The following JPT1 variants were observed in gnomAD, a reference collection of about 807,000 sequenced individuals.
JPT1 encodes androgen-regulated protein 2.
In JPT1, 5 loss-of-function variants were observed where a neutral mutation model predicts 17.0. The ratio of observed to expected loss-of-function variants is 0.29; its 90% CI spans 0.15 to 0.62. JPT1 has a LOEUF of 0.62. JPT1 is among the 20% of genes least tolerant of loss of function. The pLI is 0.85. For synonymous variants in JPT1, 71 were observed against 73.6 expected (o/e 0.96, Z 0.18); for missense variants, 158 against 188.1 (o/e 0.84, Z 0.94).
chr17:75,149,938 C>G (rs1229743728), intron 1 of JPT1, among the ~76,000 whole-genome samples: 1 of 152,028 alleles, frequency 6.6e-6, no homozygotes, highest in Non-Finnish European at 1.5e-5. Flanking sequence ...ATAGTCTCTT[C>G]TATCTCAACC....
intron 4 of JPT1, among the ~76,000 whole-genome samples, chr17:75,142,342 C>G (rs1232582390): frequency 6.6e-6 from 1 of 150,672 alleles, no homozygotes; most frequent in Non-Finnish European, 1.5e-5. Flanking sequence ...GGTGGATCAC[C>G]TGAGGTCAGG....
intron 1 of JPT1, chr17:75,149,189 TA>T (rs757915669): frequency 2.1e-3 from 875 of 411,594 alleles, no homozygotes; most frequent in East Asian, 2.3e-3. Context: ...CGTGTCTCTA[TA>T]AAAAAAAAAT....
intron 4 of JPT1, chr17:75,140,937 A>C (rs1400931302): frequency 6.6e-6 from 1 of 152,222 alleles, no homozygotes; most frequent in Non-Finnish European, 1.5e-5. Flanking sequence ...TGAAAACACA[A>C]AAATTAGCTG....
rs202010696 is a variant in JPT1, at chr17:75,136,111, G to T, written c.456C>A (p.Val152=). 75 of 1,614,242 alleles carry T rather than the reference G, an allele frequency of 4.6e-5. No homozygotes were observed. In the East Asian group the frequency reaches 1.3e-3, roughly 28 times the overall value. ...RNPPGGKSSL[V]LG Reference sequence around the variant, plus strand: ...TTCAGGACAGTCAGAGCTAACCCAAGACGAGGCTGGACTTGCCGCCAGGGG... The same window carrying T: ...TTCAGGACAGTCAGAGCTAACCCAATACGAGGCTGGACTTGCCGCCAGGGG... Residue 152 remains valine, a synonymous_variant, in exon 5 of 5, where the codon GTC becomes GTA. Coordinates refer to ENST00000409753, the MANE Select transcript of JPT1 (RefSeq NM_016185.4).
At chr17:75,147,426 A>G (rs2074460822) in intron 3 of JPT1, 130 bp downstream of exon 3, 3 of 626,312 alleles carry the variant, frequency 4.8e-6, no homozygotes, top group Non-Finnish European at 8.6e-6. Flanking sequence ...ATCTTCCATT[A>G]TCAATATGGC....
intron 4 of JPT1, among the ~76,000 whole-genome samples, chr17:75,139,126 TA>T (rs565047536): frequency 6.6e-6 from 1 of 152,152 alleles, no homozygotes; most frequent in Non-Finnish European, 1.5e-5. Context: ...AATATAATTG[TA>T]AATATAAAAG....
intron 4 of JPT1, among the ~76,000 whole-genome samples, chr17:75,139,963 C>T (rs1327145568): frequency 6.6e-6 from 1 of 152,172 alleles, no homozygotes; most frequent in East Asian, 1.9e-4. Flanking sequence ...TGGAGTCTCT[C>T]TCTCTTGCCA....
intron 3 of JPT1, 171 bp downstream of exon 3, chr17:75,147,385 A>C: frequency 3.5e-6 from 2 of 569,068 alleles, no homozygotes; most frequent in Non-Finnish European, 6.3e-6. Flanking sequence ...GACTGAGACC[A>C]TGTTAACACA....
chr17:75,136,320 T>C (rs1311669000), intron 4 of JPT1, 70 bp from the exon 5 acceptor site: 5 of 1,457,600 alleles, frequency 3.4e-6, no homozygotes, highest in Non-Finnish European at 4.6e-6. Context: ...AGGATCTGTT[T>C]CTCTTTTTCT....
At chr17:75,138,759 G>C (rs2074255313) in intron 4 of JPT1, among the ~76,000 whole-genome samples, 1 of 152,150 alleles carries the variant, frequency 6.6e-6, no homozygotes, top group African/African-American at 2.4e-5. Flanking sequence ...TCTCATGATA[G>C]GCTAGAAGCA....
intron 4 of JPT1, among the ~76,000 whole-genome samples, chr17:75,139,148 C>T (rs1253890412): frequency 6.6e-6 from 1 of 152,148 alleles, no homozygotes; most frequent in East Asian, 1.9e-4. Context: ...AAAAACAAAA[C>T]TCCACATTTA....
At position 75,150,853 on chromosome 17, in the gene JPT1, T is replaced by C. The variant is rs1214929616; in HGVS notation, c.57-2182A>G. 8.7e-3 allele frequency among the ~76,000 whole-genome samples: 1,069 copies of C among 123,358 alleles called. 15 individuals are homozygous for C. The highest frequency in any genetic ancestry group is 0.037 in the African/African-American group (992 of 26,846). The allele number at this position is 123,358 out of a possible 152,430, so 80.9% of individuals were successfully genotyped here. On this transcript the variant is annotated intron_variant, in intron 1 of 4. Transcript: ENST00000409753. ...ATAAGCAACATTTTTCTTTCTTTTT[T>C]TTTTTTTTTTTTTTTTTTGAGACAG...
intron 1 of JPT1, 137 bp from the exon 2 acceptor site, chr17:75,148,808 A>G: frequency 9.5e-7 from 1 of 1,051,524 alleles, no homozygotes; most frequent in Non-Finnish European, 1.4e-6. Flanking sequence ...GCTAACAGGA[A>G]AAAAGAATCA....
In JPT1 at chr17:75,149,079, A is replaced by G. The variant is rs775689004; in HGVS notation, c.57-408T>C. On this transcript the variant is annotated intron_variant, in intron 1 of 4. Transcript: ENST00000409753. ...TCATTTAAAAATCATTTCCAGGCAC[A>G]GTGGCACACACCTGTAATCCCAGCA... is the stretch of plus-strand genomic sequence containing the variant. 10 of 1,272,528 alleles carry G rather than the reference A, an allele frequency of 7.9e-6. No individual in the cohort carries two copies. In the South Asian group the frequency reaches 8.8e-5, roughly 11 times the overall value. The allele number at this position is 1,272,528 out of a possible 1,614,324, so 78.8% of individuals were successfully genotyped here. A position where few individuals can be genotyped will look rare whatever the true frequency, so the allele number is the denominator to read the frequency against.
chr17:75,154,494 C>G lies in JPT1; in HGVS notation c.-97G>C, dbSNP rs1011692504. The G allele has an allele frequency of 2.5e-6, 3 of 1,178,408 alleles. No individual in the cohort carries two copies. The highest frequency in any genetic ancestry group is 3.6e-6 in the Non-Finnish European group (3 of 842,924). 73.0% of individuals were successfully genotyped at this position (1,178,408 alleles called of 1,614,324 possible). On this transcript the variant is annotated 5_prime_UTR_variant, in exon 1 of 5. Coordinates refer to ENST00000409753, the MANE Select transcript of JPT1 (RefSeq NM_016185.4). ...AACTCCACACCCAACAGCCGACCAC[C>G]GCTGCAGGAGCCGCCGCTGCCGCCT...
chr17:75,148,515 G>C lies in JPT1; in HGVS notation c.199+14C>G. Reference sequence around the variant, plus strand: ...CCCATCCCTTTGAACAGTGAGCACAGATAACAAGAGTACCTGCTGACTTGG... The same window carrying C: ...CCCATCCCTTTGAACAGTGAGCACACATAACAAGAGTACCTGCTGACTTGG... On this transcript the variant is annotated intron_variant, in intron 2 of 4. Transcript: ENST00000409753. 1.2e-6 allele frequency: 2 copies of C among 1,613,998 alleles called. No homozygotes were observed. The highest frequency in any genetic ancestry group is 8.5e-7 in the Non-Finnish European group (1 of 1,179,982).
Position 75,148,620 on chromosome 17 carries a change from T to C in JPT1, c.108A>G (p.Glu36=), listed in dbSNP as rs1449152309. 1 of 1,614,138 alleles carries C rather than the reference T, an allele frequency of 6.2e-7. No homozygotes were observed. Among genetic ancestry groups the C allele is most frequent in the Admixed American group, 1.7e-5 (1 of 60,002 alleles). Residue 36 remains glutamate (E), a synonymous_variant, in exon 2 of 5, where the codon GAA becomes GAG. Transcript: ENST00000409753. The stretch of plus-strand genomic sequence containing the variant: ...TCTTCCTCACAGGTTGTTCTGTTGG[T>C]TCATCAAAACCTAATGAAAAATTGG... ...GGSNFSLGFD[E]PTEQPVRKNK...
chr17:75,144,551 A>G (rs1478852771), intron 4 of JPT1, among the ~76,000 whole-genome samples: 3 of 152,142 alleles, frequency 2.0e-5, no homozygotes, highest in Non-Finnish European at 4.4e-5. Context: ...TTCATAATGA[A>G]CCTGTAAACA....
At chr17:75,150,182 A>G (rs1014165039) in intron 1 of JPT1, among the ~76,000 whole-genome samples, 2 of 151,230 alleles carry the variant, frequency 1.3e-5, no homozygotes, top group South Asian at 2.1e-4. Context: ...CCTTGGAAAA[A>G]CTCAATTTAA....
Sources: allele counts gnomAD v4.1 joint callset (sites outside exome capture counted in the v4.1 genomes callset), GRCh38; gene constraint gnomAD v4.1.1; transcripts MANE v1.5; gene names NCBI Gene and HGNC (gene_info 2026-07-23, HGNC 2026-07-21).